Variants in MATCAP2 observed in about 807,000 individuals in gnomAD.
MATCAP2 encodes putative tyrosine carboxypeptidase MATCAP2.
chr7:36,357,263 C>T, the MATCAP2 span: 1 of 1,614,166 alleles, frequency 6.2e-7, no homozygotes, highest in Non-Finnish European at 8.5e-7. Flanking sequence ...AGCAGGCCGC[C>T]TCTCCAGGCA....
the MATCAP2 span, among the ~76,000 whole-genome samples, chr7:36,360,200 C>T: frequency 1.3e-5 from 2 of 152,140 alleles, no homozygotes; most frequent in Non-Finnish European, 2.9e-5. Context: ...GACCTAGTAG[C>T]TTTACGACCA....
At chr7:36,382,042 C>T in the MATCAP2 span, among the ~76,000 whole-genome samples, 1 of 151,888 alleles carries the variant, frequency 6.6e-6, no homozygotes, top group South Asian at 2.1e-4. Flanking sequence ...CCTGTAATCT[C>T]AGCATTTTGG....
At chr7:36,389,512 G>C in the MATCAP2 span, among the ~76,000 whole-genome samples, 1 of 152,174 alleles carries the variant, frequency 6.6e-6, no homozygotes, top group East Asian at 1.9e-4. Flanking sequence ...ATAAGCATGC[G>C]CCACTACTCC....
chr7:36,390,153 T>A, the MATCAP2 span: 3 of 1,577,278 alleles, frequency 1.9e-6, no homozygotes, highest in Non-Finnish European at 2.6e-6. Flanking sequence ...GGCGCGTGTG[T>A]GCGCGCGTGC....
At chr7:36,382,299 C>CAA in the MATCAP2 span, among the ~76,000 whole-genome samples, 81 of 62,772 alleles carry the variant, frequency 1.3e-3, no homozygotes, top group East Asian at 1.8e-3. Context: ...GCGTCTGTCT[C>CAA]AAAAAAAAAA....
the MATCAP2 span, among the ~76,000 whole-genome samples, chr7:36,371,404 T>G: frequency 6.6e-6 from 1 of 152,136 alleles, no homozygotes; most frequent in Non-Finnish European, 1.5e-5. Context: ...TGAGCCAGTA[T>G]TTTTTTATTT....
chr7:36,384,752 G>A, the MATCAP2 span, among the ~76,000 whole-genome samples: 5 of 152,176 alleles, frequency 3.3e-5, no homozygotes, highest in South Asian at 2.1e-4. Flanking sequence ...AGGAGCAGAC[G>A]TGCTAAATCT....
chr7:36,375,441 A>G, the MATCAP2 span, among the ~76,000 whole-genome samples: 4 of 151,996 alleles, frequency 2.6e-5, no homozygotes, highest in Non-Finnish European at 5.9e-5. Flanking sequence ...GATGAAGCCA[A>G]CTTCATCTTG....
the MATCAP2 span, chr7:36,330,970 G>C: frequency 6.5e-7 from 1 of 1,531,366 alleles, no homozygotes; most frequent in Non-Finnish European, 9.1e-7. Flanking sequence ...ATGTGCCATG[G>C]CTTCTACTCA....
the MATCAP2 span, chr7:36,366,729 G>C: frequency 9.8e-6 from 15 of 1,535,200 alleles, no homozygotes; most frequent in Non-Finnish European, 1.2e-5. Flanking sequence ...AAAGGATAAG[G>C]GGCCGATTTC....
At chr7:36,365,654 G>C in the MATCAP2 span, among the ~76,000 whole-genome samples, 1 of 152,194 alleles carries the variant, frequency 6.6e-6, no homozygotes, top group Non-Finnish European at 1.5e-5. Flanking sequence ...AGCAGAGACA[G>C]CGCCACTGCA....
At chr7:36,357,539 G>A in the MATCAP2 span, 1 of 1,614,024 alleles carries the variant, frequency 6.2e-7, no homozygotes, top group Non-Finnish European at 8.5e-7. Flanking sequence ...TGAATCTTCT[G>A]CATTTAGAAT....
chr7:36,379,297 T>C, the MATCAP2 span, among the ~76,000 whole-genome samples: 32 of 152,298 alleles, frequency 2.1e-4, no homozygotes, highest in Non-Finnish European at 3.7e-4. Context: ...CTGGGGAGTG[T>C]ACGAAGGCAG....
the MATCAP2 span, chr7:36,367,000 G>A: frequency 7.6e-7 from 1 of 1,313,594 alleles, no homozygotes. Flanking sequence ...GCCGCGCAGG[G>A]GCGGGCGGCC....
At chr7:36,389,708 G>A in the MATCAP2 span, 1 of 297,254 alleles carries the variant, frequency 3.4e-6, no homozygotes, top group Admixed American at 5.3e-5. Flanking sequence ...GCTGGGAGGG[G>A]GCCGGGAAGG....
At chr7:36,358,530 A>G in the MATCAP2 span, among the ~76,000 whole-genome samples, 1 of 152,236 alleles carries the variant, frequency 6.6e-6, no homozygotes, top group African/African-American at 2.4e-5. Context: ...TTTAATAACT[A>G]TTACAAAGGT....
the MATCAP2 span, chr7:36,367,177 C>T: frequency 1.7e-6 from 2 of 1,198,496 alleles, no homozygotes; most frequent in Non-Finnish European, 2.1e-6. Flanking sequence ...GGCGGCCTTA[C>T]GGTGCCCAGC....
chr7:36,333,911 T>G, the MATCAP2 span: 1 of 1,614,134 alleles, frequency 6.2e-7, no homozygotes. Flanking sequence ...AATCCCATCT[T>G]GTATTGGGGT....
chr7:36,357,657 T>C, the MATCAP2 span: 13 of 1,168,360 alleles, frequency 1.1e-5, no homozygotes, highest in Admixed American at 2.4e-5. Flanking sequence ...AACTGTTTAT[T>C]AGGAAAGGTA....
Sources: gnomAD v4.1 joint callset for allele counts (sites outside exome capture counted in the v4.1 genomes callset) on GRCh38, gnomAD v4.1.1 for gene constraint, MANE v1.5 for transcripts, NCBI Gene and HGNC (gene_info 2026-07-23, HGNC 2026-07-21) for gene names.